The following RGS6 variants were observed in gnomAD, a reference collection of about 807,000 sequenced individuals.
The protein encoded by RGS6 is regulator of G-protein signaling 6.
A neutral mutation model predicts 78.5 loss-of-function variants in RGS6; 30 were observed. The ratio of observed to expected loss-of-function variants is 0.38; its 90% CI spans 0.29 to 0.52. RGS6 has a LOEUF of 0.52. RGS6 is among the 20% of genes least tolerant of loss of function. The pLI is 0.85. For synonymous variants in RGS6, 206 were observed against 206.0 expected (o/e 1.00, Z 0.00); for missense variants, 495 against 609.7 (o/e 0.81, Z 1.98).
intron 3 of RGS6, among the ~76,000 whole-genome samples, chr14:72,380,789 T>C (rs2085875617): frequency 6.6e-6 from 1 of 152,076 alleles, no homozygotes; most frequent in African/African-American, 2.4e-5. Context: ...AAAATAGAAC[T>C]ACTATAGCAT....
At chr14:72,312,061 G>T (rs1173997733) in intron 2 of RGS6, among the ~76,000 whole-genome samples, 3 of 152,130 alleles carry the variant, frequency 2.0e-5, no homozygotes, top group Admixed American at 6.5e-5. Flanking sequence ...GCCCATAAAA[G>T]GGCATCAGCT....
chr14:72,318,692 C>T (rs929209592), intron 2 of RGS6, among the ~76,000 whole-genome samples: 1 of 152,162 alleles, frequency 6.6e-6, no homozygotes. Flanking sequence ...AAAACTGGTA[C>T]TTCAGAGCAG....
chr14:72,541,422 C>A, intron 17 of RGS6: 2 of 1,523,970 alleles, frequency 1.3e-6, no homozygotes, highest in South Asian at 1.2e-5. Flanking sequence ...TCCATCCCTT[C>A]CCTTCCTCGG....
chr14:72,050,455 AG>A (rs1376190295), intron 2 of RGS6, among the ~76,000 whole-genome samples: 1 of 152,172 alleles, frequency 6.6e-6, no homozygotes, highest in African/African-American at 2.4e-5. Context: ...ATAAAATGTA[AG>A]GGGGGGATTG....
chr14:72,495,209 G>A lies in RGS6; in HGVS notation c.912G>A (p.Glu304=). Reference sequence around the variant, plus strand: ...ATGACCCTTTGATAACACCAGCTGAGCCATCCAACCCTTGGATCAGCGATG... The same window carrying A: ...ATGACCCTTTGATAACACCAGCTGAACCATCCAACCCTTGGATCAGCGATG... ...VEYDPLITPA[E]PSNPWISDDV... Residue 304 remains glutamate (E), a synonymous_variant, in exon 13 of 18, where the codon GAG becomes GAA. Transcript: ENST00000553525. 6.2e-7 allele frequency: 1 copy of A among 1,613,780 alleles called. No individual in the cohort carries two copies. The highest frequency in any genetic ancestry group is 1.1e-5 in the South Asian group (1 of 91,072).
At chr14:71,937,810 C>T (rs1248567085) in intron 1 of RGS6, among the ~76,000 whole-genome samples, 1 of 152,240 alleles carries the variant, frequency 6.6e-6, no homozygotes, top group African/African-American at 2.4e-5. Context: ...TGAGGACAAA[C>T]CTCTGCCCTT....
intron 3 of RGS6, among the ~76,000 whole-genome samples, chr14:72,364,249 G>C (rs1324943862): frequency 6.6e-6 from 1 of 152,050 alleles, no homozygotes; most frequent in East Asian, 1.9e-4. Context: ...TCAAGCCCCA[G>C]GACAGAAGAC....
At chr14:72,588,800 G>C in the RGS6 span, among the ~76,000 whole-genome samples, 1 of 152,192 alleles carries the variant, frequency 6.6e-6, no homozygotes, top group Non-Finnish European at 1.5e-5. Flanking sequence ...TTTACAGAAA[G>C]AAATGGGAAC....
intron 16 of RGS6, among the ~76,000 whole-genome samples, chr14:72,537,159 C>A (rs955217931): frequency 6.6e-6 from 1 of 152,188 alleles, no homozygotes; most frequent in African/African-American, 2.4e-5. Flanking sequence ...TCAACTTGCA[C>A]CAAACCCTAT....
chr14:72,562,365 G>A, intron 17 of RGS6, 52 bp from the exon 18 acceptor site: 2 of 1,568,436 alleles, frequency 1.3e-6, no homozygotes, highest in Non-Finnish European at 1.7e-6. Context: ...CTCTGTCTCT[G>A]TCCCTCTGTG....
intron 2 of RGS6, among the ~76,000 whole-genome samples, chr14:72,331,841 A>T (rs544819536): frequency 1.3e-5 from 2 of 152,216 alleles, no homozygotes; most frequent in Non-Finnish European, 2.9e-5. Flanking sequence ...TGGACTATCC[A>T]GATGCATGCT....
intron 12 of RGS6, among the ~76,000 whole-genome samples, chr14:72,486,320 G>A (rs893253496): frequency 9.9e-5 from 15 of 152,196 alleles, no homozygotes; most frequent in Non-Finnish European, 1.9e-4. Flanking sequence ...TGAAGCTGGG[G>A]AAAGAAGATA....
At chr14:71,921,539 T>C in the RGS6 span, among the ~76,000 whole-genome samples, 1 of 152,248 alleles carries the variant, frequency 6.6e-6, no homozygotes, top group Non-Finnish European at 1.5e-5. Flanking sequence ...AAGGAGATCC[T>C]GTCATTTGTA....
At chr14:71,934,837 T>C (rs1455891219) in intron 1 of RGS6, among the ~76,000 whole-genome samples, 1 of 152,212 alleles carries the variant, frequency 6.6e-6, no homozygotes, top group Non-Finnish European at 1.5e-5. Context: ...TTTTATCCCC[T>C]GAACTCCTAA....
the RGS6 span, among the ~76,000 whole-genome samples, chr14:72,580,307 T>TCCCCCCCCCCCCCCCCCCCCCC: frequency 1.6e-5 from 2 of 127,512 alleles, no homozygotes; most frequent in East Asian, 2.4e-4. Flanking sequence ...AGCAAAAATG[T>TCCCCCCCCCCCCCCCCCCCCCC]CCCCCCCACC....
chr14:72,440,334 G>A (rs1188140619), intron 3 of RGS6, among the ~76,000 whole-genome samples: 2 of 152,026 alleles, frequency 1.3e-5, no homozygotes, highest in Non-Finnish European at 2.9e-5. Context: ...ACTACTGCAA[G>A]CAGGCAGTTA....
At chr14:72,324,129 A>C (rs2681721) in intron 2 of RGS6, among the ~76,000 whole-genome samples, 94,344 of 151,894 alleles carry the variant, frequency 0.62, 31,833 homozygotes, top group African/African-American at 0.9. Flanking sequence ...AATACTAGAT[A>C]TTATTCATTT....
chr14:71,998,093 G>A (rs2010846), intron 2 of RGS6, among the ~76,000 whole-genome samples: 111,295 of 152,040 alleles, frequency 0.73, 40,795 homozygotes, highest in East Asian at 0.78. Flanking sequence ...ATCAATCAAT[G>A]TATGTAAGAA....
At chr14:72,018,060 T>C (rs771942643) in intron 2 of RGS6, among the ~76,000 whole-genome samples, 1 of 152,226 alleles carries the variant, frequency 6.6e-6, no homozygotes, top group African/African-American at 2.4e-5. Flanking sequence ...CTGCTGAGGA[T>C]GACGGCTTCC....
Sources: allele counts gnomAD v4.1 joint callset (sites outside exome capture counted in the v4.1 genomes callset), GRCh38; gene constraint gnomAD v4.1.1; transcripts MANE v1.5; gene names NCBI Gene and HGNC (gene_info 2026-07-23, HGNC 2026-07-21).